The following AFF3 variants were observed in gnomAD, a reference collection of about 807,000 sequenced individuals.
AFF3 encodes the protein ALF transcription elongation factor 3, also known as AF4/FMR2 family member 3.
Under a neutral mutation model 129.7 loss-of-function variants are expected in AFF3, and 32 were observed. The observed-to-expected ratio is 0.25, with a 90% CI of 0.19 to 0.33. The LOEUF is 0.33. Among genes scored for constraint, AFF3 ranks in the 10% least tolerant of loss-of-function variants. The pLI is 1.00. For missense variants in AFF3, 1,373 were observed against 1,592.0 expected, an observed-to-expected ratio of 0.86 and a Z score of 2.34; for synonymous variants, 644 against 635.4, an observed-to-expected ratio of 1.01 and a Z score of -0.20.
chr2:99,628,710 C>T (rs1209043861), intron 13 of AFF3, among the ~76,000 whole-genome samples: 1 of 123,860 alleles, frequency 8.1e-6, no homozygotes, highest in African/African-American at 3.2e-5. Context: ...GCACGTGCCA[C>T]CATGCTTGAC....
intron 7 of AFF3, among the ~76,000 whole-genome samples, chr2:99,838,056 T>C (rs12469803): frequency 0.16 from 24,330 of 152,172 alleles, 2,081 homozygotes; most frequent in Admixed American, 0.23. Flanking sequence ...CTCTGGATGT[T>C]GGACTGGCAT....
chr2:99,652,571 G>A (rs1306367376), intron 12 of AFF3, among the ~76,000 whole-genome samples: 1 of 152,152 alleles, frequency 6.6e-6, no homozygotes. Context: ...ACTTCCATAA[G>A]TAATGCAGCA....
intron 4 of AFF3, among the ~76,000 whole-genome samples, chr2:100,092,047 C>T (rs1403535517): frequency 6.6e-6 from 1 of 151,566 alleles, no homozygotes; most frequent in African/African-American, 2.4e-5. Flanking sequence ...TCAAGGCTTT[C>T]ACCAGCACCT....
At position 99,651,882 on chromosome 2, in the gene AFF3, C is replaced by T. The variant is rs535512848; in HGVS notation, c.1144-2216G>A. Reference sequence around the variant, plus strand: ...TTTTCTCTGTTATGGAAATAAAATACACCCTTGGTGACAGTTCCACATCTT... The same window carrying T: ...TTTTCTCTGTTATGGAAATAAAATATACCCTTGGTGACAGTTCCACATCTT... On this transcript the variant is annotated intron_variant, in intron 12 of 24. Coordinates refer to ENST00000672756, the MANE Select transcript of AFF3 (RefSeq NM_001386135.1). Among the ~76,000 whole-genome samples the T allele has an allele frequency of 1.9e-4, 29 of 152,240 alleles. 2 individuals carry two copies. In the South Asian group the frequency reaches 5.8e-3, roughly 30 times the overall value.
chr2:99,598,608 C>T (rs1334066382), intron 14 of AFF3, among the ~76,000 whole-genome samples: 1 of 152,282 alleles, frequency 6.6e-6, no homozygotes, highest in Non-Finnish European at 1.5e-5. Context: ...TACAGGGCGC[C>T]TCCTACGCCC....
intron 7 of AFF3, among the ~76,000 whole-genome samples, chr2:99,911,281 A>G (rs975772892): frequency 2.6e-5 from 4 of 152,002 alleles, no homozygotes; most frequent in Non-Finnish European, 4.4e-5. Flanking sequence ...CCAGCTACTC[A>G]GGAGGCTGAG....
At chr2:99,587,357 A>G in intron 15 of AFF3, 79 bp from the exon 16 acceptor site, 1 of 1,552,388 alleles carries the variant, frequency 6.4e-7, no homozygotes, top group Non-Finnish European at 8.8e-7. Flanking sequence ...ACTTCCACAG[A>G]GCAAGGCCTC....
chr2:99,800,092 T>C (rs1345672000), intron 8 of AFF3, among the ~76,000 whole-genome samples: 1 of 152,144 alleles, frequency 6.6e-6, no homozygotes, highest in Non-Finnish European at 1.5e-5. Flanking sequence ...TCATAGAAAT[T>C]AATTTTTTAA....
At chr2:99,598,098 A>G (rs1009781144) in intron 14 of AFF3, among the ~76,000 whole-genome samples, 1 of 152,194 alleles carries the variant, frequency 6.6e-6, no homozygotes, top group African/African-American at 2.4e-5. Flanking sequence ...AGTCAGATCA[A>G]TCTGGGAAAT....
At chr2:99,597,230 G>C (rs1406107141) in intron 14 of AFF3, among the ~76,000 whole-genome samples, 4 of 152,160 alleles carry the variant, frequency 2.6e-5, no homozygotes, top group African/African-American at 4.8e-5. Context: ...GTTTGGCATA[G>C]CCTCGTGAAA....
intron 7 of AFF3, among the ~76,000 whole-genome samples, chr2:99,847,173 T>G (rs1198380677): frequency 6.6e-6 from 1 of 152,028 alleles, no homozygotes; most frequent in South Asian, 2.1e-4. Context: ...TTATGAACAT[T>G]TATAGCATTT....
At chr2:100,105,736 GC>G in intron 2 of AFF3, 153 bp from the exon 3 acceptor site, 1 of 1,362,844 alleles carries the variant, frequency 7.3e-7, no homozygotes, top group Non-Finnish European at 9.8e-7. Context: ...TCCACAGTTG[GC>G]CTAGAACCGG....
At chr2:99,648,913 A>ACTCTCTCTCTCTCTCTCTCTCTCT (rs1558695739) in intron 13 of AFF3, among the ~76,000 whole-genome samples, 1 of 34,652 alleles carries the variant, frequency 2.9e-5, no homozygotes, top group Non-Finnish European at 7.0e-5. Context: ...ACACACACAC[A>ACTCTCTCTCTCTCTCTCTCTCTCT]CACACTCTCT....
At chr2:99,990,840 G>A (rs927127526) in intron 7 of AFF3, among the ~76,000 whole-genome samples, 3 of 152,240 alleles carry the variant, frequency 2.0e-5, no homozygotes, top group South Asian at 2.1e-4. Flanking sequence ...CCAGGATGTC[G>A]GATTTCAGCA....
At chr2:100,114,671 C>G (rs1691661145) in intron 2 of AFF3, among the ~76,000 whole-genome samples, 2 of 152,222 alleles carry the variant, frequency 1.3e-5, no homozygotes, top group Non-Finnish European at 2.9e-5. Context: ...CGTGAGCCAC[C>G]ACGCCTGGCC....
rs751078052 is a variant in AFF3 at position 99,979,117 on chromosome 2, G to T, written c.873+27515C>A. 4.0e-5 allele frequency among the ~76,000 whole-genome samples: 6 copies of T among 151,458 alleles called. No individual in the cohort carries two copies. In the East Asian group the frequency reaches 7.7e-4, roughly 19 times the overall value. ...GCATATTGTATTAATAGATATATTT[G>T]CTTGCCTCCCTAGTATCCTCAAAAG... On this transcript the variant is annotated intron_variant, in intron 7 of 24. Transcript: ENST00000672756.
chr2:99,968,927 A>G (rs1186702391), intron 7 of AFF3, among the ~76,000 whole-genome samples: 2 of 152,208 alleles, frequency 1.3e-5, no homozygotes, highest in African/African-American at 2.4e-5. Context: ...ACTGCAAAGA[A>G]AGAGAACCAC....
intron 23 of AFF3, 48 bp downstream of exon 23, chr2:99,554,635 C>T (rs1438212151): frequency 6.2e-7 from 1 of 1,613,442 alleles, no homozygotes; most frequent in East Asian, 2.2e-5. Flanking sequence ...TGGCCCAGCA[C>T]CATGCATTGT....
chr2:99,946,473 TAAAAAAAAAAAAA>T lies in AFF3; in HGVS notation c.873+60146_873+60158del, dbSNP rs55672296. Among the ~76,000 whole-genome samples the T allele has an allele frequency of 2.7e-3, 134 of 50,510 alleles. 2 individuals are homozygous for T. Among genetic ancestry groups the T allele is most frequent in the African/African-American group, 9.8e-3 (110 of 11,204 alleles). The allele number at this position is 50,510 out of a possible 152,430, so 33.1% of individuals were successfully genotyped here. A position where few individuals can be genotyped will look rare whatever the true frequency, so the allele number is the denominator to read the frequency against. On this transcript the variant is annotated intron_variant, in intron 7 of 24. Coordinates refer to ENST00000672756, the MANE Select transcript of AFF3 (RefSeq NM_001386135.1). The stretch of plus-strand genomic sequence containing the variant: ...TGGTTGACAGAGTGAGACGCCATCT[TAAAAAAAAAAAAA>T]AAAAAAAAAAAAAAAAAAAAAGATG...
Sources: allele counts gnomAD v4.1 joint callset (sites outside exome capture counted in the v4.1 genomes callset), GRCh38; gene constraint gnomAD v4.1.1; transcripts MANE v1.5; gene names NCBI Gene and HGNC (gene_info 2026-07-23, HGNC 2026-07-21).